Variants in CFAP96 observed in about 807,000 individuals in gnomAD.
The protein encoded by CFAP96 is cilia and flagella associated protein 96.
the CFAP96 span, among the ~76,000 whole-genome samples, chr4:185,434,349 T>G: frequency 2.3e-4 from 35 of 150,956 alleles, no homozygotes; most frequent in African/African-American, 8.3e-4. Flanking sequence ...CTTGAAATCT[T>G]TCATTTTCTT....
the CFAP96 span, chr4:185,449,651 G>A: frequency 2.0e-6 from 3 of 1,526,378 alleles, no homozygotes; most frequent in East Asian, 7.5e-5. Context: ...TTAGCAACTG[G>A]AAGACAAGTA....
chr4:185,432,279 GACTT>G, the CFAP96 span: 1 of 1,099,622 alleles, frequency 9.1e-7, no homozygotes, highest in African/African-American at 1.6e-5. Flanking sequence ...TTTTCTGTAG[GACTT>G]ACTTATGTAA....
chr4:185,440,701 G>A, the CFAP96 span: 2,497 of 1,422,532 alleles, frequency 1.8e-3, 42 homozygotes, highest in African/African-American at 0.034. Flanking sequence ...CTTTTAAACC[G>A]TCTTCTCCTG....
chr4:185,429,810 A>T, the CFAP96 span, among the ~76,000 whole-genome samples: 7 of 152,192 alleles, frequency 4.6e-5, no homozygotes, highest in African/African-American at 1.7e-4. Flanking sequence ...CTACAGGCAC[A>T]CACTACCATG....
At chr4:185,441,901 G>T in the CFAP96 span, among the ~76,000 whole-genome samples, 1 of 151,868 alleles carries the variant, frequency 6.6e-6, no homozygotes, top group East Asian at 1.9e-4. Flanking sequence ...CTTTAAATGG[G>T]TATAGTTTAT....
the CFAP96 span, chr4:185,422,651 G>C: frequency 2.3e-6 from 2 of 853,560 alleles, no homozygotes; most frequent in East Asian, 5.6e-5. Flanking sequence ...TTAGTGTTAA[G>C]ACATTAATTA....
At chr4:185,447,380 C>T in the CFAP96 span, among the ~76,000 whole-genome samples, 3 of 152,024 alleles carry the variant, frequency 2.0e-5, no homozygotes, top group Non-Finnish European at 4.4e-5. Context: ...CGGGGTTTCA[C>T]TGTGTTAGCC....
At chr4:185,426,988 C>T in the CFAP96 span, among the ~76,000 whole-genome samples, 2 of 150,412 alleles carry the variant, frequency 1.3e-5, no homozygotes, top group African/African-American at 4.9e-5. Context: ...CGCTTGAACC[C>T]GGGAGGCGGA....
chr4:185,409,970 A>G, the CFAP96 span, among the ~76,000 whole-genome samples: 2 of 152,234 alleles, frequency 1.3e-5, no homozygotes, highest in Admixed American at 6.5e-5. Flanking sequence ...TTGTGATGTC[A>G]GCCCAGTGAT....
chr4:185,426,016 A>G, the CFAP96 span: 5 of 888,854 alleles, frequency 5.6e-6, no homozygotes, highest in East Asian at 1.1e-4. Flanking sequence ...GACGTCACGG[A>G]GCGTACCACA....
the CFAP96 span, chr4:185,418,729 G>C: frequency 1.2e-6 from 2 of 1,611,978 alleles, no homozygotes; most frequent in African/African-American, 1.3e-5. Context: ...TTAGTTGACA[G>C]GTCACTCAAC....
the CFAP96 span, among the ~76,000 whole-genome samples, chr4:185,425,583 G>C: frequency 3.3e-5 from 5 of 152,326 alleles, no homozygotes; most frequent in African/African-American, 4.8e-5. Context: ...TTCTTGCAAG[G>C]CTTCAAAAAC....
At chr4:185,443,320 G>GTATATATATATATATATATATA in the CFAP96 span, among the ~76,000 whole-genome samples, 18 of 55,982 alleles carry the variant, frequency 3.2e-4, 2 homozygotes, top group African/African-American at 5.1e-4. Flanking sequence ...TATTTTTTAT[G>GTATATATATATATATATATATA]TATATATATA....
chr4:185,434,223 G>GA, the CFAP96 span, among the ~76,000 whole-genome samples: 5 of 150,886 alleles, frequency 3.3e-5, no homozygotes, highest in South Asian at 4.2e-4. Context: ...GACCCTGTCT[G>GA]AAAAAAAACA....
the CFAP96 span, among the ~76,000 whole-genome samples, chr4:185,419,395 G>C: frequency 2.0e-5 from 3 of 152,178 alleles, no homozygotes; most frequent in Admixed American, 6.5e-5. Context: ...CTCCCAAAGT[G>C]CTGGGATTAC....
chr4:185,423,108 C>G, the CFAP96 span, among the ~76,000 whole-genome samples: 3 of 152,232 alleles, frequency 2.0e-5, no homozygotes, highest in African/African-American at 4.8e-5. Context: ...ATCCGCCTGT[C>G]TCGGCCTCCC....
At chr4:185,415,750 C>T in the CFAP96 span, 67 of 1,613,324 alleles carry the variant, frequency 4.2e-5, no homozygotes, top group South Asian at 3.2e-4. Flanking sequence ...ATAACTGCAT[C>T]GACAGGTAAA....
chr4:185,429,480 T>A, the CFAP96 span: 1 of 1,537,372 alleles, frequency 6.5e-7, no homozygotes, highest in Non-Finnish European at 8.8e-7. Context: ...AATATATTAC[T>A]GTGGGTGATA....
the CFAP96 span, chr4:185,436,181 T>C: frequency 1.3e-6 from 2 of 1,548,174 alleles, no homozygotes; most frequent in East Asian, 4.9e-5. Context: ...GAACTGGATA[T>C]GGGTAAGATA....
Sources: gnomAD v4.1 joint callset for allele counts (sites outside exome capture counted in the v4.1 genomes callset) on GRCh38, gnomAD v4.1.1 for gene constraint, MANE v1.5 for transcripts, NCBI Gene and HGNC (gene_info 2026-07-23, HGNC 2026-07-21) for gene names.